Variants in SLC12A6 observed in about 807,000 individuals in gnomAD.
SLC12A6 encodes K-Cl cotransporter 3.
SLC12A6 carries 66 observed loss-of-function variants against 135.3 expected under a neutral mutation model. The observed-to-expected ratio is 0.49, with a 90% confidence interval of 0.40 to 0.60. SLC12A6 has a LOEUF of 0.60. Ranked by LOEUF, SLC12A6 falls within the 20% of genes least tolerant of loss-of-function variation. SLC12A6 has a pLI of 0.00. For missense variants in SLC12A6, 1,058 were observed against 1,452.3 expected, an observed-to-expected ratio of 0.73 and a Z score of 4.41; for synonymous variants, 513 against 508.8, an observed-to-expected ratio of 1.01 and a Z score of -0.11.
intron 16 of SLC12A6, 57 bp downstream of exon 16, chr15:34,243,917 G>T: frequency 9.4e-7 from 1 of 1,061,002 alleles, no homozygotes; most frequent in Non-Finnish European, 1.5e-6. Context: ...TAGTTTTCTA[G>T]TTCAAAGATG....
chr15:34,283,636 A>G (rs1273973868), intron 2 of SLC12A6, among the ~76,000 whole-genome samples: 2 of 152,154 alleles, frequency 1.3e-5, no homozygotes, highest in Non-Finnish European at 2.9e-5. Context: ...AGTGAGTAAC[A>G]AAGTGTTTTT....
intron 14 of SLC12A6, 63 bp downstream of exon 14, chr15:34,245,630 G>T: frequency 7.2e-7 from 1 of 1,384,212 alleles, no homozygotes; most frequent in South Asian, 1.2e-5. Context: ...AGCCCATGAA[G>T]ACCACACTGT....
chr15:34,238,208 T>TA (rs750280662), intron 21 of SLC12A6, 24 bp downstream of exon 21: 1,035 of 1,537,364 alleles, frequency 6.7e-4, no homozygotes, highest in Non-Finnish European at 8.2e-4. Context: ...AAGACTTTTG[T>TA]AAAAAAAAAG....
Position 34,241,227 on chromosome 15 carries a change from C to T in SLC12A6, c.2267+6G>A, listed in dbSNP as rs1205721914. On this transcript the variant is annotated splice_donor_region_variant and intron_variant, in intron 18 of 25. Transcript: ENST00000354181. ...TGCCAAATACTGCTAGTGTTGATTTCTTTACCTCCAGTTTTTAGTGTGTGG... is the reference window on the plus strand; with the variant it reads ...TGCCAAATACTGCTAGTGTTGATTTTTTTACCTCCAGTTTTTAGTGTGTGG... The T allele has an allele frequency of 2.0e-6, 3 of 1,480,288 alleles. No homozygotes were observed. The highest frequency in any genetic ancestry group is 2.3e-5 in the South Asian group (2 of 88,416). 91.7% of individuals were successfully genotyped at this position (1,480,288 alleles called of 1,614,324 possible).
intron 2 of SLC12A6, among the ~76,000 whole-genome samples, chr15:34,309,451 T>C (rs532564979): frequency 6.6e-6 from 1 of 152,322 alleles, no homozygotes; most frequent in South Asian, 2.1e-4. Flanking sequence ...AAATCTGGTG[T>C]ATCTCTTGTG....
intron 2 of SLC12A6, among the ~76,000 whole-genome samples, chr15:34,323,720 G>C (rs1448710732): frequency 6.6e-6 from 1 of 152,160 alleles, no homozygotes; most frequent in African/African-American, 2.4e-5. Flanking sequence ...GGGGGCCAAA[G>C]TGGAAGGACT....
rs34491959 is a variant in SLC12A6, at chr15:34,254,526, T to A, written c.940A>T (p.Met314Leu). ...SDDALKESAAMLNNMRVYGTA... is the reference protein window; with the variant it reads ...SDDALKESAALLNNMRVYGTA... ...CCGTAGACACGCATGTTATTTAGCA[T>A]GGCTGCTGATTCCTTGAGTGCGTCA... The change falls in exon 9 of 26, where the codon ATG (methionine) becomes TTG (leucine). Residue 314 changes from methionine (M) to leucine (L), a missense_variant. Around this residue, in one of 6 missense-constraint regions of SLC12A6, gnomAD observed 297 missense variants for 318.5 expected, o/e 0.93. Coordinates refer to ENST00000354181, the MANE Select transcript of SLC12A6 (RefSeq NM_001365088.1). 21 of 1,611,478 alleles carry A rather than the reference T, an allele frequency of 1.3e-5. No individual in the cohort carries two copies. Among genetic ancestry groups the A allele is most frequent in the Non-Finnish European group, 2.5e-6 (3 of 1,177,654 alleles).
intron 5 of SLC12A6, among the ~76,000 whole-genome samples, chr15:34,258,340 TG>T (rs1304301198): frequency 6.6e-6 from 1 of 152,230 alleles, no homozygotes; most frequent in Non-Finnish European, 1.5e-5. Flanking sequence ...AACAGACAGA[TG>T]GCATCAGCAG....
chr15:34,252,224 T>C lies in SLC12A6; in HGVS notation c.1279A>G (p.Asn427Asp). The C allele has an allele frequency of 6.2e-7, 1 of 1,610,202 alleles. No homozygotes were observed. Among genetic ancestry groups the C allele is most frequent in the South Asian group, 1.1e-5 (1 of 91,010 alleles). The change falls in exon 10 of 26, where the codon AAT (asparagine) becomes GAT (aspartate). Residue 427 changes from asparagine to aspartate, a missense_variant. Transcript: ENST00000354181. The part of the protein sequence containing the change: ...NATCDEYFVH[N>D]NVTSIQGIPG... The stretch of plus-strand genomic sequence containing the variant: ...ATGCCCTGGATTGAAGTGACGTTAT[T>C]GTGAACAAAGTATTCATCACAGGTG...
intron 2 of SLC12A6, among the ~76,000 whole-genome samples, chr15:34,334,950 C>T (rs941296817): frequency 1.3e-5 from 2 of 152,164 alleles, no homozygotes; most frequent in African/African-American, 4.8e-5. Flanking sequence ...AAATACAATT[C>T]TGTAACATGT....
intron 2 of SLC12A6, 130 bp downstream of exon 2, chr15:34,336,280 A>C: frequency 1.3e-6 from 1 of 784,172 alleles, no homozygotes. Flanking sequence ...CATCTCACAA[A>C]GAGATGCCTT....
At chr15:34,245,112 A>G (rs1422651540) in intron 15 of SLC12A6, among the ~76,000 whole-genome samples, 173 bp downstream of exon 15, 2 of 152,266 alleles carry the variant, frequency 1.3e-5, no homozygotes, top group South Asian at 4.1e-4. Context: ...AAAACCTAAT[A>G]ACTTACAAAA....
In SLC12A6 at chr15:34,336,516, G is replaced by C. The variant is rs1566881123; in HGVS notation, c.165C>G (p.Ser55Arg). ...FSSRESVPET[S>R]RSEPMSEMSG... is the part of the protein sequence containing the mutation. ...ACATCTCACTCATAGGCTCACTCCG[G>C]CTTGTTTCAGGCACGCTTTCCCGGG... The change falls in exon 2 of 26, where the codon AGC becomes AGG. Residue 55 changes from serine to arginine, a missense_variant. Physicochemically the swap from Ser to Arg is moderately radical, Grantham distance 110 (BLOSUM62 -1). Around this residue, in one of 6 missense-constraint regions of SLC12A6, gnomAD observed 176 missense variants for 168.9 expected, o/e 1.04. Coordinates refer to ENST00000354181, the MANE Select transcript of SLC12A6 (RefSeq NM_001365088.1). The C allele has an allele frequency of 1.2e-6, 2 of 1,613,864 alleles. No individual in the cohort carries two copies. The highest frequency in any genetic ancestry group is 1.7e-6 in the Non-Finnish European group (2 of 1,179,814).
chr15:34,289,539 G>C (rs1261443645), intron 2 of SLC12A6, among the ~76,000 whole-genome samples: 8 of 152,196 alleles, frequency 5.3e-5, no homozygotes, highest in Non-Finnish European at 7.3e-5. Context: ...AATTGGAATA[G>C]TTTCAGAAGG....
chr15:34,320,329 T>C (rs1287635943), intron 2 of SLC12A6, among the ~76,000 whole-genome samples: 2 of 152,186 alleles, frequency 1.3e-5, no homozygotes, highest in Non-Finnish European at 2.9e-5. Context: ...AATGAAATCA[T>C]GTCATTTGCG....
chr15:34,317,482 C>T (rs1267428678), intron 2 of SLC12A6, among the ~76,000 whole-genome samples: 1 of 152,090 alleles, frequency 6.6e-6, no homozygotes, highest in Non-Finnish European at 1.5e-5. Flanking sequence ...AGCGGGGGAT[C>T]GCTTGAGGTC....
rs1472999127 is a variant in SLC12A6, at chr15:34,230,462, C to T, written c.*3419G>A. On this transcript the variant is annotated 3_prime_UTR_variant, in exon 26 of 26. Transcript: ENST00000354181. ...GATATATAGAGTGATCGTCCCCCTG[C>T]CGAAGGAACCTGGCACCTGTCAAGC... 1 of 152,402 alleles carries T rather than the reference C, an allele frequency of 6.6e-6. No homozygotes were observed. The highest frequency in any genetic ancestry group is 1.5e-5 in the Non-Finnish European group (1 of 68,038). 9.4% of individuals were successfully genotyped at this position (152,402 alleles called of 1,614,324 possible).
At chr15:34,316,437 T>C (rs1265989376) in intron 2 of SLC12A6, among the ~76,000 whole-genome samples, 1 of 152,226 alleles carries the variant, frequency 6.6e-6, no homozygotes. Flanking sequence ...TGACATACAT[T>C]TCCCTCCTTC....
chr15:34,251,264 T>G (rs1214594421), intron 10 of SLC12A6, among the ~76,000 whole-genome samples: 1 of 152,138 alleles, frequency 6.6e-6, no homozygotes, highest in African/African-American at 2.4e-5. Context: ...TTGTTTGTTT[T>G]TTGAGACAGA....
Sources: gnomAD v4.1 joint callset for allele counts (sites outside exome capture counted in the v4.1 genomes callset) on GRCh38, gnomAD v4.1.1 for gene constraint, gnomAD v4.1.1 regional missense constraint, MANE v1.5 for transcripts, NCBI Gene and HGNC (gene_info 2026-07-23, HGNC 2026-07-21) for gene names.